The following ZDHHC11 variants were observed in gnomAD, a reference collection of about 807,000 sequenced individuals.
ZDHHC11 encodes the protein zDHHC palmitoyltransferase 11, also known as palmitoyltransferase ZDHHC11.
A neutral mutation model predicts 51.3 loss-of-function variants in ZDHHC11; 44 were observed. That is an observed-to-expected ratio of 0.86 (90% CI 0.67 to 1.10). The LOEUF (loss-of-function observed/expected upper bound fraction) is 1.10, where lower values mean the gene tolerates loss of function less well. Ranked by LOEUF, ZDHHC11 falls within the 50% of genes least tolerant of loss-of-function variation. The pLI is 0.00. For missense variants in ZDHHC11, 400 were observed against 537.7 expected, an observed-to-expected ratio of 0.74 and a Z score of 2.53; for synonymous variants, 163 against 222.0, an observed-to-expected ratio of 0.73 and a Z score of 2.36.
At chr5:834,250 A>AT (rs1226476577) in intron 6 of ZDHHC11, among the ~76,000 whole-genome samples, 1 of 152,126 alleles carries the variant, frequency 6.6e-6, no homozygotes, top group East Asian at 1.9e-4. Context: ...GATGTTGAGC[A>AT]TTTTTTTCCA....
chr5:830,120 A>G (rs1478723186), intron 7 of ZDHHC11, among the ~76,000 whole-genome samples: 2 of 134,526 alleles, frequency 1.5e-5, no homozygotes, highest in Non-Finnish European at 3.2e-5. Context: ...TCGACACAGT[A>G]CTGGAAGATC....
intron 7 of ZDHHC11, among the ~76,000 whole-genome samples, chr5:832,205 T>A (rs1345242889): frequency 8.8e-6 from 1 of 113,962 alleles, no homozygotes; most frequent in Non-Finnish European, 1.6e-5. Context: ...AACTCAAGAA[T>A]GAAAAACCAA....
Position 837,347 on chromosome 5 carries a change from CAG to C in ZDHHC11, c.900+16_900+17del. 7 of 1,613,630 alleles carry C rather than the reference CAG, an allele frequency of 4.3e-6. No homozygotes were observed. Among genetic ancestry groups the C allele is most frequent in the Non-Finnish European group, 5.9e-6 (7 of 1,179,562 alleles). ...TTGTCCCAGGCCTGGAGAAATGGAGCAGAGAGACAGGTGGTACCTGGAGAACT... is the reference window on the plus strand; with the variant it reads ...TTGTCCCAGGCCTGGAGAAATGGAGCAGAGACAGGTGGTACCTGGAGAACT... On this transcript the variant is annotated intron_variant, in intron 6 of 12. Transcript: ENST00000283441.
chr5:857,262 T>C (rs1748390637), intron 1 of ZDHHC11, among the ~76,000 whole-genome samples: 2 of 152,200 alleles, frequency 1.3e-5, no homozygotes, highest in African/African-American at 4.8e-5. Flanking sequence ...CGCAATCCTG[T>C]GTGGTGGACC....
chr5:843,973 G>T, intron 3 of ZDHHC11, among the ~76,000 whole-genome samples: 1 of 108,850 alleles, frequency 9.2e-6, no homozygotes, highest in African/African-American at 7.1e-5. Flanking sequence ...TGCAGAGGCA[G>T]GGGCAGGGAC....
intron 11 of ZDHHC11, among the ~76,000 whole-genome samples, chr5:808,835 G>C (rs1241516600): frequency 6.8e-6 from 1 of 146,528 alleles, no homozygotes; most frequent in African/African-American, 2.5e-5. Context: ...GTAGCTGGGA[G>C]TACAGGTGCC....
intron 3 of ZDHHC11, among the ~76,000 whole-genome samples, chr5:844,411 A>G (rs1405496528): frequency 1.3e-5 from 2 of 152,298 alleles, no homozygotes; most frequent in African/African-American, 2.4e-5. Flanking sequence ...GCCCAAGCCT[A>G]CCAGCGGAGC....
intron 3 of ZDHHC11, among the ~76,000 whole-genome samples, chr5:846,041 G>A (rs1397908577): frequency 6.6e-6 from 1 of 150,424 alleles, no homozygotes; most frequent in African/African-American, 2.5e-5. Flanking sequence ...TGGCACCTGG[G>A]GCTAGCATGA....
rs186057742 is a variant in ZDHHC11, at chr5:820,590, G to A, written c.1059-978C>T. Among the ~76,000 whole-genome samples the A allele has an allele frequency of 3.8e-4, 58 of 151,224 alleles. 1 individual carries two copies. Among genetic ancestry groups the A allele is most frequent in the African/African-American group, 1.4e-3 (57 of 41,324 alleles). On this transcript the variant is annotated intron_variant, in intron 9 of 12. Transcript: ENST00000283441. ...GCTGGTGCACACCTGGGGAAGGGGG[G>A]CTGCACTCCACTTTCTGGCCATGGT... is the stretch of plus-strand genomic sequence containing the variant.
intron 10 of ZDHHC11, among the ~76,000 whole-genome samples, chr5:819,240 C>G (rs1482410760): frequency 3.3e-5 from 5 of 151,600 alleles, no homozygotes; most frequent in African/African-American, 1.2e-4. Flanking sequence ...TCAGAGCCTG[C>G]CCTGGGCATC....
intron 5 of ZDHHC11, 132 bp downstream of exon 5, chr5:840,363 C>A (rs753958263): frequency 2.6e-5 from 31 of 1,209,838 alleles, no homozygotes; most frequent in Non-Finnish European, 3.3e-5. Flanking sequence ...CACATGCGCA[C>A]ACGGGGGACA....
At position 828,412 on chromosome 5, in the gene ZDHHC11, C is replaced by A. The variant is rs190186410; in HGVS notation, c.936-3161G>T. Among the ~76,000 whole-genome samples the A allele has an allele frequency of 4.0e-5, 6 of 148,404 alleles. 1 individual carries two copies. Among genetic ancestry groups the A allele is most frequent in the Non-Finnish European group, 7.5e-5 (5 of 66,430 alleles). On this transcript the variant is annotated intron_variant, in intron 7 of 12. Transcript: ENST00000283441. ...CGGGGCGGCTGGCCGGGTGGAGGTG[C>A]CCCCCACCTCCCTCCTGGACGGGGC...
rs1369037965 is a variant in ZDHHC11, at chr5:837,172, G to A, written c.900+193C>T. ...TTGCACTAGGAAGTCCGTGGTGCAT[G>A]ACTGGTGTTTATGTTCACAAAGACA... is the stretch of plus-strand genomic sequence containing the variant. On this transcript the variant is annotated intron_variant, in intron 6 of 12. Transcript: ENST00000283441. Among the ~76,000 whole-genome samples the A allele has an allele frequency of 1.1e-4, 17 of 152,228 alleles. No individual in the cohort carries two copies. In the South Asian group the frequency reaches 2.7e-3, roughly 24 times the overall value.
intron 6 of ZDHHC11, among the ~76,000 whole-genome samples, chr5:835,183 G>A (rs1447438871): frequency 1.3e-5 from 2 of 150,654 alleles, no homozygotes; most frequent in Admixed American, 6.6e-5. Context: ...ATGGATTTGG[G>A]GCTAATTCTT....
In ZDHHC11 at chr5:818,172, A is replaced by C. The variant is rs1463414246; in HGVS notation, c.1146+1353T>G. Among the ~76,000 whole-genome samples, 3 of 151,208 alleles carry C rather than the reference A, an allele frequency of 2.0e-5. 1 individual carries two copies. Among genetic ancestry groups the C allele is most frequent in the Admixed American group, 2.0e-4 (3 of 15,188 alleles). On this transcript the variant is annotated intron_variant, in intron 10 of 12. Transcript: ENST00000283441. ...AGGGTGACTGTAAATCGTCATCTAC[A>C]CCGAGATGCTGCAGAGAGACCGAGG...
chr5:816,021 T>C (rs1740736766), intron 10 of ZDHHC11, among the ~76,000 whole-genome samples: 1 of 151,610 alleles, frequency 6.6e-6, no homozygotes, highest in African/African-American at 2.4e-5. Context: ...GCTTTTCATG[T>C]GCTTTGTCGT....
intron 7 of ZDHHC11, 47 bp from the exon 8 acceptor site, chr5:825,298 G>A (rs768529334): frequency 3.8e-6 from 6 of 1,589,276 alleles, no homozygotes; most frequent in Middle Eastern, 1.7e-4. Flanking sequence ...GCTTTGTAGG[G>A]GGACTCAGGG....
At chr5:848,805 C>G in intron 1 of ZDHHC11, 145 bp from the exon 2 acceptor site, 2 of 1,249,788 alleles carry the variant, frequency 1.6e-6, no homozygotes, top group Non-Finnish European at 2.2e-6. Context: ...CTCACCCAGG[C>G]CTGGCCCTGC....
intron 1 of ZDHHC11, among the ~76,000 whole-genome samples, chr5:858,099 G>A (rs532617965): frequency 7.0e-6 from 1 of 142,486 alleles, no homozygotes; most frequent in African/African-American, 2.7e-5. Flanking sequence ...CAGGCCCCTA[G>A]AGTCTGTCCT....
Sources: allele counts gnomAD v4.1 joint callset (sites outside exome capture counted in the v4.1 genomes callset), GRCh38; gene constraint gnomAD v4.1.1; transcripts MANE v1.5; gene names NCBI Gene and HGNC (gene_info 2026-07-23, HGNC 2026-07-21).